BMPER: variants seen among roughly 807,000 people sequenced by gnomAD.
BMPER encodes BMP binding endothelial regulator.
A neutral mutation model predicts 87.3 loss-of-function variants in BMPER; 45 were observed. The observed-to-expected ratio is 0.52, with a 90% confidence interval of 0.41 to 0.66. BMPER has a LOEUF of 0.66. Among genes scored for constraint, BMPER ranks in the 30% least tolerant of loss-of-function variants. The pLI, the probability that BMPER is intolerant of heterozygous loss-of-function variation, is 0.00. For missense variants in BMPER, 784 were observed against 867.5 expected (o/e 0.90, Z 1.21); for synonymous variants, 326 against 316.2 (o/e 1.03, Z -0.33).
At position 33,996,231 on chromosome 7, in the gene BMPER, T is replaced by A. The variant is rs571826732; in HGVS notation, c.576+21447T>A. Among the ~76,000 whole-genome samples the A allele has an allele frequency of 5.3e-5, 8 of 152,270 alleles. No homozygotes were observed. The South Asian group carries it at 1.7e-3, about 32-fold the overall frequency. ...GAGAGTCCCACCCCCATTTTTTTTTTAAATAAAAGAAGTCCCAGCTGGTTG... is the reference window on the plus strand; with the variant it reads ...GAGAGTCCCACCCCCATTTTTTTTTAAAATAAAAGAAGTCCCAGCTGGTTG... On this transcript the variant is annotated intron_variant, in intron 6 of 14. Coordinates refer to ENST00000649409, the MANE Select transcript of BMPER (RefSeq NM_001365308.1).
chr7:34,004,219 T>C (rs974363204), intron 6 of BMPER, among the ~76,000 whole-genome samples: 1 of 152,168 alleles, frequency 6.6e-6, no homozygotes, highest in Non-Finnish European at 1.5e-5. Context: ...TTATTGTATT[T>C]CTCAATTCTA....
intron 11 of BMPER, among the ~76,000 whole-genome samples, chr7:34,078,220 A>C (rs572059909): frequency 1.2e-3 from 179 of 152,298 alleles, no homozygotes; most frequent in African/African-American, 3.9e-3. Flanking sequence ...GTTTTAGATC[A>C]TGGTCCTTAG....
chr7:34,102,396 G>A (rs917805528), intron 13 of BMPER, among the ~76,000 whole-genome samples: 3 of 152,182 alleles, frequency 2.0e-5, no homozygotes, highest in Non-Finnish European at 2.9e-5. Flanking sequence ...TCAAAATTCT[G>A]CAGGCATCAC....
At chr7:33,974,981 C>T (rs569364053) in intron 6 of BMPER, among the ~76,000 whole-genome samples, 197 bp downstream of exon 6, 4 of 152,284 alleles carry the variant, frequency 2.6e-5, no homozygotes, top group Non-Finnish European at 5.9e-5. Flanking sequence ...GGAAATTCTT[C>T]TTCATGGGCC....
chr7:34,029,972 C>A (rs1348538477), intron 6 of BMPER, among the ~76,000 whole-genome samples: 4 of 151,988 alleles, frequency 2.6e-5, no homozygotes, highest in Non-Finnish European at 1.5e-5. Flanking sequence ...GGAAAAGGGT[C>A]ATGTTGAAAC....
At chr7:34,121,752 G>C (rs1459192165) in intron 13 of BMPER, among the ~76,000 whole-genome samples, 1 of 152,188 alleles carries the variant, frequency 6.6e-6, no homozygotes, top group Non-Finnish European at 1.5e-5. Context: ...TTCAATCACA[G>C]AATAATGTTT....
chr7:33,928,325 C>A (rs1009664970), intron 2 of BMPER, among the ~76,000 whole-genome samples: 5 of 152,168 alleles, frequency 3.3e-5, no homozygotes, highest in African/African-American at 1.2e-4. Flanking sequence ...GCCCACGGGG[C>A]TCGATCCCTG....
intron 6 of BMPER, among the ~76,000 whole-genome samples, chr7:34,045,811 C>T (rs1787948173): frequency 6.6e-6 from 1 of 152,106 alleles, no homozygotes; most frequent in Non-Finnish European, 1.5e-5. Context: ...AAGATGTCTA[C>T]AGAACCTATA....
intron 6 of BMPER, among the ~76,000 whole-genome samples, chr7:34,039,378 A>G (rs1363685201): frequency 5.3e-5 from 8 of 152,172 alleles, no homozygotes; most frequent in Admixed American, 3.3e-4. Flanking sequence ...TCTCAACTGG[A>G]GGTGATTTTG....
At chr7:34,130,689 T>G (rs1223649917) in intron 13 of BMPER, among the ~76,000 whole-genome samples, 1 of 151,632 alleles carries the variant, frequency 6.6e-6, no homozygotes, top group African/African-American at 2.4e-5. Context: ...CCCATGGGGG[T>G]GTAGTTGCAG....
chr7:34,125,105 G>A (rs1317901931), intron 13 of BMPER, among the ~76,000 whole-genome samples: 2 of 151,990 alleles, frequency 1.3e-5, no homozygotes, highest in African/African-American at 4.8e-5. Flanking sequence ...TTTGTAAATA[G>A]ATAGTCTATA....
chr7:33,912,289 C>G (rs919457232), intron 2 of BMPER, among the ~76,000 whole-genome samples: 1 of 152,180 alleles, frequency 6.6e-6, no homozygotes, highest in Non-Finnish European at 1.5e-5. Context: ...GGAAAAACTG[C>G]CTAGTGGCCT....
intron 5 of BMPER, among the ~76,000 whole-genome samples, chr7:33,973,421 C>G (rs1785599374): frequency 6.6e-6 from 1 of 152,220 alleles, no homozygotes. Context: ...CAGTAGCATA[C>G]AGATCTTATG....
At chr7:33,951,992 T>G (rs1785038940) in intron 3 of BMPER, among the ~76,000 whole-genome samples, 1 of 152,172 alleles carries the variant, frequency 6.6e-6, no homozygotes, top group South Asian at 2.1e-4. Flanking sequence ...AAAAAGATAA[T>G]TAAAACCACC....
chr7:34,102,541 A>G (rs1789709041), intron 13 of BMPER, among the ~76,000 whole-genome samples: 1 of 152,170 alleles, frequency 6.6e-6, no homozygotes, highest in African/African-American at 2.4e-5. Context: ...TAGACCAATC[A>G]AGGCCCCTCC....
intron 6 of BMPER, among the ~76,000 whole-genome samples, chr7:34,028,633 T>TTTTTTTTATTTTTTTTTTTTTA (rs1787439585): frequency 7.7e-6 from 1 of 129,876 alleles, no homozygotes. Flanking sequence ...TTTTTTTTTT[T>TTTTTTTTATTTTTTTTTTTTTA]GTAGCATTAC....
Position 34,128,506 on chromosome 7 carries a change from T to C in BMPER, c.1746-14724T>C, listed in dbSNP as rs1790461472. 2.0e-5 allele frequency among the ~76,000 whole-genome samples: 3 copies of C among 152,206 alleles called. No individual in the cohort carries two copies. The South Asian group carries it at 6.2e-4, about 31-fold the overall frequency. Reference sequence around the variant, plus strand: ...AAAAGAATTTTAAAAAGGAAAATAATGTTTGCGCTTAGGTGGAACACCCTT... The same window carrying C: ...AAAAGAATTTTAAAAAGGAAAATAACGTTTGCGCTTAGGTGGAACACCCTT... On this transcript the variant is annotated intron_variant, in intron 13 of 14. Coordinates refer to ENST00000649409, the MANE Select transcript of BMPER (RefSeq NM_001365308.1).
chr7:34,055,015 T>C, intron 8 of BMPER, 148 bp from the exon 9 acceptor site: 1 of 1,174,010 alleles, frequency 8.5e-7, no homozygotes. Context: ...CAATTTGAAG[T>C]GAATGAAAGA....
intron 6 of BMPER, among the ~76,000 whole-genome samples, chr7:34,005,954 T>C (rs778215999): frequency 6.6e-6 from 1 of 152,076 alleles, no homozygotes; most frequent in Non-Finnish European, 1.5e-5. Context: ...TCAATGGATA[T>C]TAATATTCTT....
Sources: allele counts gnomAD v4.1 joint callset (sites outside exome capture counted in the v4.1 genomes callset), GRCh38; gene constraint gnomAD v4.1.1; transcripts MANE v1.5; gene names NCBI Gene and HGNC (gene_info 2026-07-23, HGNC 2026-07-21).